The following NREP variants were observed in gnomAD, a reference collection of about 807,000 sequenced individuals.
NREP encodes neuronal regeneration-related protein.
Under a neutral mutation model 8.6 loss-of-function variants are expected in NREP, and 5 were observed. The ratio of observed to expected loss-of-function variants is 0.58; its 90% CI spans 0.30 to 1.22. The LOEUF (loss-of-function observed/expected upper bound fraction) is 1.22, where lower values mean the gene tolerates loss of function less well. NREP is among the 50% of genes most tolerant of loss of function. The pLI, the probability that NREP is intolerant of heterozygous loss-of-function variation, is 0.07. For synonymous variants in NREP, 27 were observed against 28.0 expected (o/e 0.96, Z 0.11); for missense variants, 86 against 82.5 (o/e 1.04, Z -0.17).
intron 2 of NREP, among the ~76,000 whole-genome samples, chr5:111,926,205 G>A (rs1021450720): frequency 7.9e-5 from 12 of 152,266 alleles, no homozygotes; most frequent in Admixed American, 2.0e-4. Flanking sequence ...GGGTAAAAGC[G>A]AAACTGGGGA....
chr5:111,745,818 T>G (rs1017236398), intron 2 of NREP, among the ~76,000 whole-genome samples: 8 of 152,094 alleles, frequency 5.3e-5, no homozygotes, highest in Non-Finnish European at 1.0e-4. Flanking sequence ...CTACTAAGAA[T>G]GATAAATTCA....
At chr5:111,894,461 T>A (rs1008770775) in intron 2 of NREP, among the ~76,000 whole-genome samples, 1 of 148,774 alleles carries the variant, frequency 6.7e-6, no homozygotes, top group Non-Finnish European at 1.5e-5. Flanking sequence ...TTTTTTTTTT[T>A]CAGTTAGAGG....
chr5:111,971,961 T>C lies in NREP; in HGVS notation c.135+3313A>G, dbSNP rs567189821. ...ATCAACAGAATAAAGAGACAGCCTATGGAATGGGAGAAAACATTTGCAAAC... is the reference window on the plus strand; with the variant it reads ...ATCAACAGAATAAAGAGACAGCCTACGGAATGGGAGAAAACATTTGCAAAC... On this transcript the variant is annotated intron_variant, in intron 2 of 3. Transcript: ENST00000395634. Among the ~76,000 whole-genome samples, 3 of 151,850 alleles carry C rather than the reference T, an allele frequency of 2.0e-5. No individual in the cohort carries two copies. The South Asian group carries it at 6.2e-4, about 31-fold the overall frequency.
intron 2 of NREP, among the ~76,000 whole-genome samples, chr5:111,773,031 C>T (rs191260037): frequency 2.0e-5 from 3 of 152,260 alleles, no homozygotes; most frequent in African/African-American, 7.2e-5. Flanking sequence ...TTACTATAAA[C>T]ATACTTGTTC....
chr5:111,787,101 A>G (rs1751630343), intron 2 of NREP, among the ~76,000 whole-genome samples: 1 of 152,120 alleles, frequency 6.6e-6, no homozygotes, highest in Non-Finnish European at 1.5e-5. Context: ...AACTTAGGAA[A>G]TGTCTCTGTC....
intron 2 of NREP, among the ~76,000 whole-genome samples, chr5:111,864,572 A>G (rs1286814593): frequency 6.6e-6 from 1 of 152,130 alleles, no homozygotes; most frequent in African/African-American, 2.4e-5. Flanking sequence ...AGCGGGGTGA[A>G]GTAATCTGAA....
At chr5:111,863,232 GATA>G (rs1342232208) in intron 2 of NREP, among the ~76,000 whole-genome samples, 5 of 152,076 alleles carry the variant, frequency 3.3e-5, no homozygotes, top group African/African-American at 1.2e-4. Context: ...ATGATTTGGT[GATA>G]GGTTAGACAT....
chr5:111,894,213 C>T (rs562303340), intron 2 of NREP, among the ~76,000 whole-genome samples: 6 of 151,874 alleles, frequency 4.0e-5, no homozygotes, highest in Middle Eastern at 6.8e-3. Flanking sequence ...AGCAAAACTC[C>T]GTCTCAAATA....
intron 2 of NREP, among the ~76,000 whole-genome samples, chr5:111,860,739 C>T (rs1179731451): frequency 6.6e-6 from 1 of 152,158 alleles, no homozygotes; most frequent in African/African-American, 2.4e-5. Flanking sequence ...TGAAAACTAG[C>T]TGTGTTAGGA....
intron 2 of NREP, among the ~76,000 whole-genome samples, chr5:111,769,757 GT>G (rs1354772561): frequency 1.3e-5 from 2 of 152,150 alleles, no homozygotes; most frequent in African/African-American, 4.8e-5. Flanking sequence ...AAAGGGGGAA[GT>G]GCTACACACT....
intron 2 of NREP, among the ~76,000 whole-genome samples, chr5:111,810,937 T>A (rs1000584883): frequency 1.3e-5 from 2 of 152,188 alleles, no homozygotes; most frequent in South Asian, 4.1e-4. Context: ...ACTTGGCTTA[T>A]CTGGTCAATA....
chr5:111,886,967 T>C (rs1359378741), intron 2 of NREP, among the ~76,000 whole-genome samples: 1 of 150,726 alleles, frequency 6.6e-6, no homozygotes, highest in Non-Finnish European at 1.5e-5. Flanking sequence ...AAACTTAAAG[T>C]AGATTAATAA....
upstream of NREP, chr5:111,758,230 C>CGAGCACACA (rs1750860017): frequency 1.0e-6 from 1 of 985,492 alleles, no homozygotes; most frequent in Non-Finnish European, 1.2e-6. Flanking sequence ...CACACACACA[C>CGAGCACACA]GTGCACACAG....
intron 2 of NREP, among the ~76,000 whole-genome samples, chr5:111,816,361 A>G (rs1752385525): frequency 6.6e-6 from 1 of 152,174 alleles, no homozygotes; most frequent in Non-Finnish European, 1.5e-5. Context: ...GGTAAATATA[A>G]ATGAATACGG....
At chr5:111,825,313 T>C (rs1376969326) in intron 2 of NREP, among the ~76,000 whole-genome samples, 1 of 152,216 alleles carries the variant, frequency 6.6e-6, no homozygotes, top group African/African-American at 2.4e-5. Context: ...CTACCTCTAG[T>C]CTTCAGTCCA....
chr5:111,731,208 T>C (rs115008015), intron 3 of NREP, among the ~76,000 whole-genome samples, 162 bp from the exon 4 acceptor site: 6 of 152,344 alleles, frequency 3.9e-5, no homozygotes, highest in Admixed American at 2.6e-4. Context: ...TTAAACACAG[T>C]TCACCTGAAT....
At chr5:111,874,495 G>T (rs1425482542) in intron 2 of NREP, among the ~76,000 whole-genome samples, 3 of 152,150 alleles carry the variant, frequency 2.0e-5, no homozygotes, top group Non-Finnish European at 4.4e-5. Context: ...CCAAGTGAGG[G>T]TAACCCTGTC....
At chr5:111,856,642 A>G (rs920417244) in intron 2 of NREP, among the ~76,000 whole-genome samples, 5 of 152,070 alleles carry the variant, frequency 3.3e-5, no homozygotes, top group African/African-American at 7.2e-5. Flanking sequence ...CAACTACCTG[A>G]CCACCTGGGA....
intron 2 of NREP, among the ~76,000 whole-genome samples, chr5:111,888,541 C>G (rs1352315452): frequency 6.6e-6 from 1 of 152,156 alleles, no homozygotes; most frequent in African/African-American, 2.4e-5. Context: ...TTACCTTCAC[C>G]TAGTCCCACC....
Sources: allele counts gnomAD v4.1 joint callset (sites outside exome capture counted in the v4.1 genomes callset), GRCh38; gene constraint gnomAD v4.1.1; transcripts MANE v1.5; gene names NCBI Gene and HGNC (gene_info 2026-07-23, HGNC 2026-07-21).